The following SLC3A2 variants were observed in gnomAD, a reference collection of about 807,000 sequenced individuals.
SLC3A2 encodes amino acid transporter heavy chain SLC3A2.
SLC3A2 carries 32 observed loss-of-function variants against 48.5 expected under a neutral mutation model. The ratio of observed to expected loss-of-function variants is 0.66; its 90% CI spans 0.50 to 0.89. SLC3A2 has a LOEUF of 0.89. Ranked by LOEUF, SLC3A2 falls within the 40% of genes least tolerant of loss-of-function variation. The pLI is 0.00. For missense variants in SLC3A2, 587 were observed against 680.7 expected, an observed-to-expected ratio of 0.86 and a Z score of 1.53; for synonymous variants, 277 against 288.8, an observed-to-expected ratio of 0.96 and a Z score of 0.41.
At chr11:62,860,795 A>C (rs2085391114) in intron 1 of SLC3A2, among the ~76,000 whole-genome samples, 1 of 152,200 alleles carries the variant, frequency 6.6e-6, no homozygotes. Context: ...TCCGCAGTGC[A>C]CTGTGTCCCT....
intron 1 of SLC3A2, among the ~76,000 whole-genome samples, chr11:62,875,437 C>A (rs1381844291): frequency 6.6e-6 from 1 of 152,126 alleles, no homozygotes; most frequent in Non-Finnish European, 1.5e-5. Flanking sequence ...CACCTGGAGT[C>A]CGCAGGAGAA....
In SLC3A2 at chr11:62,881,653, G is replaced by GA; in HGVS notation, c.424+207dup. Reference sequence around the variant, plus strand: ...GCCGACCCGCCCCTCACTCCGTCACGAGGGTGGGTGACTCAGCGTCCTCCT... The same window carrying GA: ...GCCGACCCGCCCCTCACTCCGTCACGAAGGGTGGGTGACTCAGCGTCCTCCT... On this transcript the variant is annotated intron_variant, in intron 1 of 8. Coordinates refer to ENST00000338663, the MANE Select transcript of SLC3A2 (RefSeq NM_001013251.3). The surrounding 1 kb of genome is among the most constrained non-coding windows in gnomAD (Gnocchi z 4.0). 1 of 888,178 alleles carries GA rather than the reference G, an allele frequency of 1.1e-6. No individual in the cohort carries two copies. The highest frequency in any genetic ancestry group is 1.6e-6 in the Non-Finnish European group (1 of 611,110). 55.0% of individuals were successfully genotyped at this position (888,178 alleles called of 1,614,324 possible).
In SLC3A2 at chr11:62,885,514, G is replaced by C. The variant is rs148443520; in HGVS notation, c.1049G>C (p.Arg350Pro). Residue 350 changes from arginine (R) to proline (P), a missense_variant, in exon 7 of 9, where the codon CGA becomes CCA. Arg to Pro is a moderately radical substitution (Grantham distance 103). Coordinates refer to ENST00000338663, the MANE Select transcript of SLC3A2 (RefSeq NM_001013251.3). ...TCCTTCTTGCCGGCTCAACTTCTCC[G>C]ACTCTACCAGCTGATGCTCTTCACC... ...LTSFLPAQLL[R>P]LYQLMLFTLP... 6.2e-7 allele frequency: 1 copy of C among 1,613,998 alleles called. No individual in the cohort carries two copies. The highest frequency in any genetic ancestry group is 8.5e-7 in the Non-Finnish European group (1 of 1,180,020).
At chr11:62,868,413 T>C (rs2085475858) in intron 1 of SLC3A2, among the ~76,000 whole-genome samples, 1 of 149,744 alleles carries the variant, frequency 6.7e-6, no homozygotes. Flanking sequence ...TTGCCCAGGC[T>C]GGAGTGCAGT....
chr11:62,861,774 G>T (rs927219985), intron 1 of SLC3A2, among the ~76,000 whole-genome samples: 2 of 152,016 alleles, frequency 1.3e-5, no homozygotes, highest in South Asian at 4.1e-4. Context: ...AATCAGCCAG[G>T]CGTGGTGGCA....
intron 1 of SLC3A2, among the ~76,000 whole-genome samples, chr11:62,856,815 AT>A (rs1253324372): frequency 1.8e-4 from 23 of 128,812 alleles, no homozygotes; most frequent in African/African-American, 6.2e-4. Flanking sequence ...CTTTATAAAC[AT>A]TTTTTTCTTT....
intron 2 of SLC3A2, 94 bp from the exon 3 acceptor site, chr11:62,882,814 C>A: frequency 1.9e-6 from 2 of 1,052,210 alleles, no homozygotes; most frequent in Non-Finnish European, 3.0e-6. Flanking sequence ...CCAAGTAATA[C>A]ATAGGAAACA....
chr11:62,872,398 C>G (rs536572037), intron 1 of SLC3A2, among the ~76,000 whole-genome samples: 20 of 152,240 alleles, frequency 1.3e-4, no homozygotes, highest in African/African-American at 4.8e-4. Flanking sequence ...TCCTGTAATA[C>G]CAGCTGTTCA....
At chr11:62,874,249 C>A (rs917848297) in intron 1 of SLC3A2, among the ~76,000 whole-genome samples, 1 of 151,904 alleles carries the variant, frequency 6.6e-6, no homozygotes, top group Non-Finnish European at 1.5e-5. Context: ...TGCTACTTAT[C>A]TTTTTTGATG....
chr11:62,888,708 G>C lies in SLC3A2; in HGVS notation c.*15G>C. The C allele has an allele frequency of 6.4e-7, 1 of 1,572,632 alleles. No individual in the cohort carries two copies. Among genetic ancestry groups the C allele is most frequent in the South Asian group, 1.1e-5 (1 of 87,908 alleles). On this transcript the variant is annotated 3_prime_UTR_variant, in exon 9 of 9. Coordinates refer to ENST00000338663, the MANE Select transcript of SLC3A2 (RefSeq NM_001013251.3). ...ACGCGGCCTGACTTCAGCCTGACATGGACCCACTACCCTTCTCCTTTCCTT... is the reference window on the plus strand; with the variant it reads ...ACGCGGCCTGACTTCAGCCTGACATCGACCCACTACCCTTCTCCTTTCCTT...
chr11:62,875,967 G>C (rs1186689022), upstream of SLC3A2, among the ~76,000 whole-genome samples: 1 of 152,194 alleles, frequency 6.6e-6, no homozygotes, highest in Non-Finnish European at 1.5e-5. Flanking sequence ...GAGGGCTCAA[G>C]TGATCCTCCC....
At chr11:62,856,337 A>G in exon 1 of SLC3A2, 5 of 1,613,398 alleles carry the variant, frequency 3.1e-6, no homozygotes, top group Non-Finnish European at 4.2e-6. Flanking sequence ...CCTGGCTCAC[A>G]TTCGGAGGCT....
upstream of SLC3A2, chr11:62,880,851 C>A: frequency 7.3e-7 from 1 of 1,363,182 alleles, no homozygotes; most frequent in Non-Finnish European, 9.6e-7. Context: ...CGGGCCGGGG[C>A]GGGGCTCCGC....
chr11:62,885,094 G>A, intron 5 of SLC3A2, 83 bp from the exon 6 acceptor site: 2 of 1,459,650 alleles, frequency 1.4e-6, no homozygotes, highest in South Asian at 1.2e-5. Flanking sequence ...GCCTCCCAAA[G>A]TGTTGGGATT....
intron 1 of SLC3A2, among the ~76,000 whole-genome samples, chr11:62,859,796 TA>T (rs72188781): frequency 1.3e-5 from 2 of 152,066 alleles, no homozygotes; most frequent in East Asian, 1.9e-4. Context: ...GAGGGCATTT[TA>T]AAAAAAGTAG....
intron 2 of SLC3A2, chr11:62,882,554 A>G: frequency 3.5e-6 from 1 of 285,436 alleles, no homozygotes; most frequent in Non-Finnish European, 6.9e-6. Flanking sequence ...GAACGATCTC[A>G]GCTTACTGCA....
At chr11:62,859,291 G>A (rs1405333385) in intron 1 of SLC3A2, among the ~76,000 whole-genome samples, 2 of 152,142 alleles carry the variant, frequency 1.3e-5, no homozygotes, top group African/African-American at 2.4e-5. Context: ...ATCTCGCACC[G>A]CCCTTAATCC....
At chr11:62,857,429 C>T (rs959321570) in intron 1 of SLC3A2, among the ~76,000 whole-genome samples, 3 of 152,100 alleles carry the variant, frequency 2.0e-5, no homozygotes, top group African/African-American at 7.2e-5. Context: ...CGGCCTGGCT[C>T]AGCATTTTGG....
intron 1 of SLC3A2, among the ~76,000 whole-genome samples, chr11:62,860,207 A>T: frequency 6.6e-6 from 1 of 152,086 alleles, no homozygotes; most frequent in Middle Eastern, 3.2e-3. Flanking sequence ...TCAGCGCAGT[A>T]AAGAGCAGTA....
Sources: gnomAD v4.1 joint callset for allele counts (sites outside exome capture counted in the v4.1 genomes callset) on GRCh38, gnomAD v4.1.1 for gene constraint, Gnocchi (gnomAD v3.1) non-coding constraint, MANE v1.5 for transcripts, NCBI Gene and HGNC (gene_info 2026-07-23, HGNC 2026-07-21) for gene names.